The following ZFPM1 variants were observed in gnomAD, a reference collection of about 807,000 sequenced individuals.
ZFPM1 encodes the protein zinc finger protein, FOG family member 1.
ZFPM1 carries 28 observed loss-of-function variants against 46.3 expected under a neutral mutation model. That is an observed-to-expected ratio of 0.60 (90% confidence interval 0.45 to 0.83). The LOEUF (loss-of-function observed/expected upper bound fraction) is 0.83, where lower values mean the gene tolerates loss of function less well. Ranked by LOEUF, ZFPM1 falls within the 40% of genes least tolerant of loss-of-function variation. The probability of loss-of-function intolerance (pLI) is 0.00; values close to 1 mark genes in which losing one functional copy is unlikely to be tolerated. For missense variants in ZFPM1, 1,878 were observed against 1,432.4 expected (o/e 1.31, Z -5.02); for synonymous variants, 957 against 675.9 (o/e 1.42, Z -6.45).
At chr16:88,507,816 GC>G (rs1018320465) in intron 3 of ZFPM1, among the ~76,000 whole-genome samples, 1 of 152,230 alleles carries the variant, frequency 6.6e-6, no homozygotes. Context: ...CCCTTGTGAG[GC>G]CCCTCTGCAG....
chr16:88,522,910 A>G (rs1912010663), intron 4 of ZFPM1, among the ~76,000 whole-genome samples: 1 of 152,216 alleles, frequency 6.6e-6, no homozygotes, highest in Non-Finnish European at 1.5e-5. Flanking sequence ...AGTTAAAAAT[A>G]GGCCCCCTCC....
chr16:88,491,695 C>A (rs1309936126), intron 3 of ZFPM1, among the ~76,000 whole-genome samples: 1 of 152,220 alleles, frequency 6.6e-6, no homozygotes, highest in Non-Finnish European at 1.5e-5. Context: ...GGCTGGGGCA[C>A]ACCCCCGAGC....
chr16:88,487,918 C>T lies in ZFPM1; in HGVS notation c.146-1113C>T, dbSNP rs369572835. ...CCAGCCTCTGGTGAGGCCTGGGACC[C>T]GCTGGCTGCCACTCCTCCCTGTCCT... On this transcript the variant is annotated intron_variant, in intron 2 of 9. Coordinates refer to ENST00000319555, the MANE Select transcript of ZFPM1 (RefSeq NM_153813.3). 5.9e-5 allele frequency among the ~76,000 whole-genome samples: 9 copies of T among 152,354 alleles called. No individual in the cohort carries two copies. In the East Asian group the frequency reaches 7.7e-4, roughly 13 times the overall value.
chr16:88,470,217 C>T (rs1908351543), intron 1 of ZFPM1, among the ~76,000 whole-genome samples: 1 of 152,206 alleles, frequency 6.6e-6, no homozygotes, highest in African/African-American at 2.4e-5. Flanking sequence ...CTGTGACTCA[C>T]TCCTGCGGGG....
At chr16:88,524,808 T>C (rs1272672300) in intron 4 of ZFPM1, among the ~76,000 whole-genome samples, 1 of 152,134 alleles carries the variant, frequency 6.6e-6, no homozygotes, top group Non-Finnish European at 1.5e-5. Context: ...CGGCCGCCCC[T>C]CTGTCCCCCC....
intron 4 of ZFPM1, among the ~76,000 whole-genome samples, chr16:88,522,742 C>T (rs1911997144): frequency 6.6e-6 from 1 of 152,150 alleles, no homozygotes; most frequent in African/African-American, 2.4e-5. Flanking sequence ...GACAGGGCAA[C>T]CCCAAGGGGC....
At chr16:88,532,273 G>A (rs201035080) in intron 7 of ZFPM1, 38 bp downstream of exon 7, 24 of 1,541,280 alleles carry the variant, frequency 1.6e-5, no homozygotes, top group African/African-American at 1.4e-4. Flanking sequence ...TCAGGATGCC[G>A]GCTGCTTCCC....
rs151149610 is a variant in ZFPM1, at chr16:88,521,588, C to G, written c.403-5226C>G. ...CTCTCCCCTGTGCTGTTCCCCCAAC[C>G]CATGCTGTTCCTTCCCTCATGCTGT... is the stretch of plus-strand genomic sequence containing the variant. On this transcript the variant is annotated intron_variant, in intron 4 of 9. Transcript: ENST00000319555. Among the ~76,000 whole-genome samples, 10 of 138,508 alleles carry G rather than the reference C, an allele frequency of 7.2e-5. No homozygotes were observed. In the East Asian group the frequency reaches 2.1e-3, roughly 29 times the overall value. The allele number at this position is 138,508 out of a possible 152,430, so 90.9% of individuals were successfully genotyped here.
At chr16:88,464,468 A>T (rs1908039644) in intron 1 of ZFPM1, among the ~76,000 whole-genome samples, 1 of 152,246 alleles carries the variant, frequency 6.6e-6, no homozygotes, top group Non-Finnish European at 1.5e-5. Context: ...TGGGCCTGGA[A>T]CAGCTCAGGA....
At chr16:88,512,820 G>C (rs1911048267) in intron 3 of ZFPM1, 1 of 152,118 alleles carries the variant, frequency 6.6e-6, no homozygotes. Flanking sequence ...AGGTGGGCCA[G>C]AGTCGCAGGT....
chr16:88,535,749 C>T lies in ZFPM1; in HGVS notation c.*770C>T, dbSNP rs1002290705. ...TGAGGACAACCGTGTGGTGGAGTCA[C>T]CTGTGGTGGCTGAGTCGGTGCAAGG... On this transcript the variant is annotated 3_prime_UTR_variant, in exon 10 of 10. Transcript: ENST00000319555. The T allele has an allele frequency of 1.4e-4, 21 of 152,514 alleles. No homozygotes were observed. Among genetic ancestry groups the T allele is most frequent in the African/African-American group, 4.6e-4 (19 of 41,436 alleles). 9.4% of individuals were successfully genotyped at this position (152,514 alleles called of 1,614,324 possible). A position where few individuals can be genotyped will look rare whatever the true frequency, so the allele number is the denominator to read the frequency against.
At chr16:88,507,134 G>T (rs1001265775) in intron 3 of ZFPM1, among the ~76,000 whole-genome samples, 1 of 152,198 alleles carries the variant, frequency 6.6e-6, no homozygotes, top group African/African-American at 2.4e-5. Flanking sequence ...GTATGGCCTG[G>T]GCTGCAGACA....
chr16:88,512,244 G>C (rs992420627), intron 3 of ZFPM1, among the ~76,000 whole-genome samples: 1 of 152,192 alleles, frequency 6.6e-6, no homozygotes, highest in African/African-American at 2.4e-5. Context: ...TTCCCCATGA[G>C]GGCAGGGGAC....
intron 2 of ZFPM1, among the ~76,000 whole-genome samples, chr16:88,487,077 G>A (rs528490486): frequency 2.8e-4 from 42 of 152,298 alleles, no homozygotes; most frequent in African/African-American, 9.1e-4. Context: ...TCCCAAGCCG[G>A]AAGGAGGGCC....
chr16:88,469,827 C>T lies in ZFPM1; in HGVS notation c.41-16112C>T, dbSNP rs532835943. Among the ~76,000 whole-genome samples the T allele has an allele frequency of 6.6e-6, 1 of 152,192 alleles. No individual in the cohort carries two copies. Among genetic ancestry groups the T allele is most frequent in the South Asian group, 2.1e-4 (1 of 4,820 alleles). ...GAGGGGCCGTCCGACCAGAACCAGA[C>T]ATCACCTTGGCCAGGGCCCCACCCC... On this transcript the variant is annotated intron_variant, in intron 1 of 9. Coordinates refer to ENST00000319555, the MANE Select transcript of ZFPM1 (RefSeq NM_153813.3). This position sits in a 1 kb window ranked among gnomAD's most constrained non-coding sequence, Gnocchi z 4.3.
At chr16:88,498,895 C>G (rs1319615675) in intron 3 of ZFPM1, among the ~76,000 whole-genome samples, 2 of 152,226 alleles carry the variant, frequency 1.3e-5, no homozygotes, top group African/African-American at 4.8e-5. Flanking sequence ...CTTCCCATGA[C>G]ACCCTTCCCT....
intron 1 of ZFPM1, among the ~76,000 whole-genome samples, chr16:88,465,422 C>T (rs562828563): frequency 5.3e-5 from 8 of 152,372 alleles, no homozygotes; most frequent in South Asian, 2.1e-4. Flanking sequence ...TGGCTGGCTG[C>T]GCCTGTCTTG....
At chr16:88,527,441 G>A (rs1372888056) in intron 5 of ZFPM1, among the ~76,000 whole-genome samples, 1 of 152,154 alleles carries the variant, frequency 6.6e-6, no homozygotes, top group Non-Finnish European at 1.5e-5. Context: ...GAAGCGGGAG[G>A]CCCTCTGGGC....
intron 1 of ZFPM1, among the ~76,000 whole-genome samples, chr16:88,473,939 T>A (rs942217389): frequency 6.6e-6 from 1 of 152,086 alleles, no homozygotes; most frequent in Non-Finnish European, 1.5e-5. Context: ...TAATCGGTTC[T>A]CCGGAGTGAA....
Sources: allele counts gnomAD v4.1 joint callset (sites outside exome capture counted in the v4.1 genomes callset), GRCh38; gene constraint gnomAD v4.1.1; non-coding constraint Gnocchi (gnomAD v3.1); transcripts MANE v1.5; gene names NCBI Gene and HGNC (gene_info 2026-07-23, HGNC 2026-07-21).